Variants in CD274 observed in about 807,000 individuals in gnomAD.
CD274 encodes the protein programmed cell death 1 ligand 1.
Under a neutral mutation model 30.1 loss-of-function variants are expected in CD274, and 8 were observed. The observed-to-expected ratio is 0.27, with a 90% CI of 0.16 to 0.48. The LOEUF (loss-of-function observed/expected upper bound fraction) is 0.48, where lower values mean the gene tolerates loss of function less well. CD274 is among the 20% of genes least tolerant of loss of function. The pLI is 0.99. For missense variants in CD274, 353 were observed against 346.6 expected, an observed-to-expected ratio of 1.02 and a Z score of -0.15; for synonymous variants, 152 against 124.6, an observed-to-expected ratio of 1.22 and a Z score of -1.46.
rs1819552226 is a variant in CD274, at chr9:5,469,499, T to G, written c.*1637T>G. 1 of 231,004 alleles carries G rather than the reference T, an allele frequency of 4.3e-6. No individual in the cohort carries two copies. Among genetic ancestry groups the G allele is most frequent in the South Asian group, 1.8e-4 (1 of 5,512 alleles). The allele number at this position is 231,004 out of a possible 1,614,324, so 14.3% of individuals were successfully genotyped here. ...TTAAAAGCACGTATTTTTAAAATTT[T>G]TTTCCTAAATAGTAACACATTGTAT... On this transcript the variant is annotated 3_prime_UTR_variant, in exon 7 of 7. Transcript: ENST00000381577.
chr9:5,461,148 G>GTT (rs915493293), intron 3 of CD274, among the ~76,000 whole-genome samples: 2 of 152,090 alleles, frequency 1.3e-5, no homozygotes, highest in African/African-American at 4.8e-5. Context: ...TGAGGTTTGT[G>GTT]TTTTTTTATA....
At position 5,466,904 on chromosome 9, in the gene CD274, C is replaced by G. The variant is rs1384607405; in HGVS notation, c.850+75C>G. 7.1e-6 allele frequency: 8 copies of G among 1,124,328 alleles called. No individual in the cohort carries two copies. In the Admixed American group the frequency reaches 9.7e-5, roughly 14 times the overall value. The allele number at this position is 1,124,328 out of a possible 1,614,324, so 69.6% of individuals were successfully genotyped here. ...GCTAAAGCAATAACAAAGAGAAATC[C>G]ATCAGTCATAATCTCCTCTCCTTTT... On this transcript the variant is annotated intron_variant, in intron 6 of 6. Coordinates refer to ENST00000381577, the MANE Select transcript of CD274 (RefSeq NM_014143.4).
At chr9:5,463,241 A>T in intron 4 of CD274, 120 bp downstream of exon 4, 1 of 771,184 alleles carries the variant, frequency 1.3e-6, no homozygotes, top group South Asian at 1.7e-5. Flanking sequence ...GAATAACACT[A>T]TGTTTACAAA....
intron 3 of CD274, among the ~76,000 whole-genome samples, chr9:5,458,928 T>A (rs755716271): frequency 6.6e-6 from 1 of 152,174 alleles, no homozygotes. Context: ...TTGCTAGATC[T>A]GGGATGGAAA....
chr9:5,453,490 G>A (rs1819244468), intron 1 of CD274, among the ~76,000 whole-genome samples: 1 of 152,118 alleles, frequency 6.6e-6, no homozygotes, highest in African/African-American at 2.4e-5. Flanking sequence ...CACACAGTAG[G>A]CACTCAACGA....
rs747598352 is a variant in CD274, at chr9:5,462,858, G to T, written c.419G>T (p.Arg140Ile). ...VNAPYNKINQ[R>I]ILVVDPVTSE... ...GCCCCATACAACAAAATCAACCAAA[G>T]AATTTTGGTTGTGGATCCAGTCACC... The change falls in exon 4 of 7, where the codon AGA becomes ATA. Residue 140 changes from arginine to isoleucine, a missense_variant. Physicochemically the swap from Arg to Ile is moderately conservative, Grantham distance 97. Transcript: ENST00000381577. The T allele has an allele frequency of 6.2e-6, 10 of 1,613,582 alleles. No homozygotes were observed. The highest frequency in any genetic ancestry group is 8.5e-6 in the Non-Finnish European group (10 of 1,179,612).
At position 5,470,456 on chromosome 9, in the gene CD274, T is replaced by G. The variant is rs186306440; in HGVS notation, c.*2594T>G. 1.7e-4 allele frequency: 38 copies of G among 225,544 alleles called. No individual in the cohort carries two copies. The South Asian group carries it at 2.4e-3, about 14-fold the overall frequency. The allele number at this position is 225,544 out of a possible 1,614,324, so 14.0% of individuals were successfully genotyped here. A position where few individuals can be genotyped will look rare whatever the true frequency, so the allele number is the denominator to read the frequency against. ...TTGTCACTTTTTGTACCTGCATTAATTTAATAAAATATTCTTATTTATTTT... is the reference window on the plus strand; with the variant it reads ...TTGTCACTTTTTGTACCTGCATTAAGTTAATAAAATATTCTTATTTATTTT... On this transcript the variant is annotated 3_prime_UTR_variant, in exon 7 of 7. Transcript: ENST00000381577.
intron 1 of CD274, among the ~76,000 whole-genome samples, chr9:5,451,245 G>A (rs1041494185): frequency 6.6e-6 from 1 of 151,880 alleles, no homozygotes; most frequent in Admixed American, 6.5e-5. Flanking sequence ...TTTAATACTT[G>A]AAAAAAATTT....
At chr9:5,456,236 A>G in intron 2 of CD274, 71 bp downstream of exon 2, 1 of 945,936 alleles carries the variant, frequency 1.1e-6, no homozygotes, top group South Asian at 1.4e-5. Flanking sequence ...AACTAAAATG[A>G]TCATTTAAAA....
intron 3 of CD274, among the ~76,000 whole-genome samples, chr9:5,457,634 A>T (rs1439721759): frequency 1.3e-5 from 2 of 152,208 alleles, no homozygotes; most frequent in African/African-American, 4.8e-5. Context: ...AACAACACAG[A>T]GCCATGTTCT....
intron 1 of CD274, among the ~76,000 whole-genome samples, chr9:5,452,506 A>G (rs1819225625): frequency 6.6e-6 from 1 of 152,236 alleles, no homozygotes; most frequent in African/African-American, 2.4e-5. Flanking sequence ...GGATATGGGA[A>G]TTCACATATG....
chr9:5,454,613 C>A (rs995970176), intron 1 of CD274, among the ~76,000 whole-genome samples: 1 of 144,700 alleles, frequency 6.9e-6, no homozygotes, highest in Non-Finnish European at 1.5e-5. Context: ...AATGCTCTTC[C>A]TTTACATATA....
chr9:5,469,467 A>G lies in CD274; in HGVS notation c.*1605A>G, dbSNP rs185359196. 131 of 231,264 alleles carry G rather than the reference A, an allele frequency of 5.7e-4. No homozygotes were observed. The highest frequency in any genetic ancestry group is 8.9e-4 in the Non-Finnish European group (104 of 116,844). The allele number at this position is 231,264 out of a possible 1,614,324, so 14.3% of individuals were successfully genotyped here. On this transcript the variant is annotated 3_prime_UTR_variant, in exon 7 of 7. Coordinates refer to ENST00000381577, the MANE Select transcript of CD274 (RefSeq NM_014143.4). ...TTCTAAAGATAGTCTACATTTGGAA[A>G]TGTATGTTAAAAGCACGTATTTTTA...
Position 5,470,221 on chromosome 9 carries a change from A to C in CD274, c.*2359A>C, listed in dbSNP as rs900606811. 3.4e-5 allele frequency: 8 copies of C among 232,718 alleles called. No individual in the cohort carries two copies. The highest frequency in any genetic ancestry group is 5.9e-5 in the Non-Finnish European group (7 of 117,750). 14.4% of individuals were successfully genotyped at this position (232,718 alleles called of 1,614,324 possible). A position where few individuals can be genotyped will look rare whatever the true frequency, so the allele number is the denominator to read the frequency against. ...AGCTCCTTGTGTTATCTGTTTGTAC[A>C]TGTGCATTTGTACAGTAATTGGTGT... is the stretch of plus-strand genomic sequence containing the variant. On this transcript the variant is annotated 3_prime_UTR_variant, in exon 7 of 7. Transcript: ENST00000381577.
intron 5 of CD274, 62 bp downstream of exon 5, chr9:5,465,668 A>G: frequency 9.7e-7 from 1 of 1,036,082 alleles, no homozygotes; most frequent in Non-Finnish European, 1.5e-6. Flanking sequence ...GAATTGGATC[A>G]TGGCTGCAAG....
chr9:5,457,517 A>C (rs968477400), intron 3 of CD274, 97 bp downstream of exon 3: 1 of 919,854 alleles, frequency 1.1e-6, no homozygotes, highest in Non-Finnish European at 1.7e-6. Flanking sequence ...TTATTTTCAA[A>C]CAGAACAGCA....
At chr9:5,451,663 G>C (rs1819205860) in intron 1 of CD274, among the ~76,000 whole-genome samples, 1 of 152,166 alleles carries the variant, frequency 6.6e-6, no homozygotes, top group Admixed American at 6.5e-5. Flanking sequence ...TTAGAGTGTG[G>C]TCTTCAAGGA....
chr9:5,456,390 A>T (rs1243501400), intron 2 of CD274, among the ~76,000 whole-genome samples: 3 of 152,230 alleles, frequency 2.0e-5, no homozygotes, highest in African/African-American at 7.2e-5. Context: ...ATTGAAAGAC[A>T]CAAAATAATC....
rs757906829 is a variant in CD274, at chr9:5,462,863, T to C, written c.424T>C (p.Leu142=). Reference sequence around the variant, plus strand: ...ATACAACAAAATCAACCAAAGAATTTTGGTTGTGGATCCAGTCACCTCTGA... The same window carrying C: ...ATACAACAAAATCAACCAAAGAATTCTGGTTGTGGATCCAGTCACCTCTGA... ...APYNKINQRI[L]VVDPVTSEHE... is the part of the protein sequence containing the mutation. The change falls in exon 4 of 7, where the codon TTG becomes CTG. Residue 142 remains leucine (L), a synonymous_variant. Transcript: ENST00000381577. 13 of 1,613,642 alleles carry C rather than the reference T, an allele frequency of 8.1e-6. No individual in the cohort carries two copies. Among genetic ancestry groups the C allele is most frequent in the Non-Finnish European group, 1.1e-5 (13 of 1,179,702 alleles).
Sources: allele counts gnomAD v4.1 joint callset (sites outside exome capture counted in the v4.1 genomes callset), GRCh38; gene constraint gnomAD v4.1.1; transcripts MANE v1.5; gene names NCBI Gene and HGNC (gene_info 2026-07-23, HGNC 2026-07-21).